BTBD7: variants seen among roughly 807,000 people sequenced by gnomAD.
BTBD7 encodes the protein BTB domain containing 7.
In BTBD7, 38 loss-of-function variants were observed where a neutral mutation model predicts 99.9. The ratio of observed to expected loss-of-function variants is 0.38; its 90% confidence interval spans 0.29 to 0.50. The LOEUF is 0.50. Ranked by LOEUF, BTBD7 falls within the 20% of genes least tolerant of loss-of-function variation. The pLI, the probability that BTBD7 is intolerant of heterozygous loss-of-function variation, is 0.93. For missense variants in BTBD7, 1,170 were observed against 1,394.6 expected, an observed-to-expected ratio of 0.84 and a Z score of 2.57; for synonymous variants, 520 against 511.4, an observed-to-expected ratio of 1.02 and a Z score of -0.23.
chr14:93,250,025 G>C (rs1348849642), intron 8 of BTBD7, among the ~76,000 whole-genome samples: 1 of 152,146 alleles, frequency 6.6e-6, no homozygotes, highest in Non-Finnish European at 1.5e-5. Flanking sequence ...AAGGAGGTAT[G>C]AGCCCCAATT....
chr14:93,264,145 A>ATT, intron 3 of BTBD7, 152 bp from the exon 4 acceptor site: 2 of 687,012 alleles, frequency 2.9e-6, no homozygotes, highest in Non-Finnish European at 4.8e-6. Context: ...ACTTGGTGGG[A>ATT]TGGGTAAACA....
intron 3 of BTBD7, among the ~76,000 whole-genome samples, chr14:93,288,925 G>A (rs1461042220): frequency 6.6e-6 from 1 of 152,170 alleles, no homozygotes; most frequent in Non-Finnish European, 1.5e-5. Flanking sequence ...CATAATTATA[G>A]ATTTCAACCC....
chr14:93,263,635 G>T, intron 4 of BTBD7, 150 bp downstream of exon 4: 1 of 683,208 alleles, frequency 1.5e-6, no homozygotes, highest in Non-Finnish European at 2.5e-6. Flanking sequence ...GGCTTTTGTT[G>T]TACAACTATG....
At chr14:93,287,418 C>T (rs920161164) in intron 3 of BTBD7, among the ~76,000 whole-genome samples, 1 of 146,878 alleles carries the variant, frequency 6.8e-6, no homozygotes, top group African/African-American at 2.5e-5. Flanking sequence ...GTATTTACCT[C>T]TCTATATTAC....
intron 1 of BTBD7, among the ~76,000 whole-genome samples, chr14:93,308,266 G>A (rs1244601664): frequency 4.2e-5 from 6 of 141,184 alleles, no homozygotes; most frequent in African/African-American, 1.4e-4. Context: ...CAGCCTAGGC[G>A]ACAGAGCCAG....
intron 7 of BTBD7, 37 bp downstream of exon 7, chr14:93,253,610 A>T: frequency 6.3e-7 from 1 of 1,581,400 alleles, no homozygotes; most frequent in Non-Finnish European, 8.6e-7. Context: ...ATGGTTTGTA[A>T]TAAAGTAGTC....
In BTBD7 at chr14:93,331,883, C is replaced by CCG. The variant is rs1041785622; in HGVS notation, c.-107+936_-107+937insCG. On this transcript the variant is annotated intron_variant, in intron 1 of 10. Coordinates refer to ENST00000334746, the MANE Select transcript of BTBD7 (RefSeq NM_001002860.4). ...GTGACAGAGCGAGACTCCGTCTCCC[C>CCG]CCCCCCAAAAAGGTTGTTAGTTGAA... Among the ~76,000 whole-genome samples, 24 of 146,562 alleles carry CCG rather than the reference C, an allele frequency of 1.6e-4. 1 individual carries two copies. Among genetic ancestry groups the CCG allele is most frequent in the African/African-American group, 5.4e-4 (20 of 36,876 alleles).
intron 1 of BTBD7, among the ~76,000 whole-genome samples, chr14:93,299,974 A>G (rs542607679): frequency 1.3e-5 from 2 of 152,340 alleles, no homozygotes; most frequent in East Asian, 3.9e-4. Flanking sequence ...TGAAGGAATG[A>G]ACTTGCATAA....
intron 1 of BTBD7, among the ~76,000 whole-genome samples, chr14:93,324,453 A>G (rs890470911): frequency 2.1e-5 from 3 of 144,518 alleles, no homozygotes; most frequent in Admixed American, 6.9e-5. Flanking sequence ...TTGATGGCAA[A>G]TAACTCCAAA....
chr14:93,303,215 AG>A (rs1335036267), intron 1 of BTBD7, among the ~76,000 whole-genome samples: 1 of 152,244 alleles, frequency 6.6e-6, no homozygotes, highest in Non-Finnish European at 1.5e-5. Context: ...CCAACAGTCC[AG>A]GAAAGTAAGT....
chr14:93,300,257 C>CTTT (rs35598735), intron 1 of BTBD7, among the ~76,000 whole-genome samples: 13 of 119,610 alleles, frequency 1.1e-4, no homozygotes, highest in African/African-American at 3.6e-4. Context: ...TTTCTTTGTT[C>CTTT]TTTTTTTTTT....
In BTBD7 at chr14:93,294,819, T is replaced by C; in HGVS notation, c.201A>G (p.Lys67=). The C allele has an allele frequency of 6.2e-7, 1 of 1,614,082 alleles. No individual in the cohort carries two copies. Among genetic ancestry groups the C allele is most frequent in the Non-Finnish European group, 8.5e-7 (1 of 1,180,020 alleles). Residue 67 remains lysine (K), a synonymous_variant, in exon 3 of 11, where the codon AAA becomes AAG. Coordinates refer to ENST00000334746, the MANE Select transcript of BTBD7 (RefSeq NM_001002860.4). ...ATTTCCGACGCTTAATAAACTTCTT[T>C]TTGAGGGTGGCAAGACCAGAGGTTC... is the stretch of plus-strand genomic sequence containing the variant. The part of the protein sequence containing the change: ...KKRTSGLATL[K]KKFIKRRKSN...
intron 6 of BTBD7, among the ~76,000 whole-genome samples, chr14:93,254,827 T>C (rs889702191): frequency 2.0e-5 from 3 of 152,234 alleles, no homozygotes; most frequent in Admixed American, 2.0e-4. Context: ...TTAAGAGTCA[T>C]TGTTAGCAAA....
chr14:93,294,493 T>G lies in BTBD7; in HGVS notation c.527A>C (p.Glu176Ala). ...GTCCATTATTATCTCTGCCCCATACTCTGGTGAGGAAGAAAGCAGTGTTTT... is the reference window on the plus strand; with the variant it reads ...GTCCATTATTATCTCTGCCCCATACGCTGGTGAGGAAGAAAGCAGTGTTTT... ...FFKTLLSSSP[E>A]YGAEIIMDIN... Residue 176 changes from glutamate (E) to alanine (A), a missense_variant, in exon 3 of 11, where the codon GAG becomes GCG. Around this residue, in one of 4 missense-constraint regions of BTBD7, gnomAD observed 359 missense variants for 497.9 expected, o/e 0.72. Coordinates refer to ENST00000334746, the MANE Select transcript of BTBD7 (RefSeq NM_001002860.4). The G allele has an allele frequency of 6.2e-7, 1 of 1,614,152 alleles. No individual in the cohort carries two copies.
intron 1 of BTBD7, among the ~76,000 whole-genome samples, chr14:93,322,978 C>G (rs1426991579): frequency 6.6e-6 from 1 of 152,006 alleles, no homozygotes; most frequent in Non-Finnish European, 1.5e-5. Flanking sequence ...TACAAATTAG[C>G]TGAGCATGAT....
At chr14:93,271,949 T>C (rs561282010) in intron 3 of BTBD7, among the ~76,000 whole-genome samples, 1 of 152,246 alleles carries the variant, frequency 6.6e-6, no homozygotes, top group Non-Finnish European at 1.5e-5. Flanking sequence ...GAGGTTGCAG[T>C]GAGCCAAGAG....
In BTBD7 at chr14:93,296,076, G is replaced by C. The variant is rs1174467060; in HGVS notation, c.-25C>G. 1 of 1,610,702 alleles carries C rather than the reference G, an allele frequency of 6.2e-7. No homozygotes were observed. Reference sequence around the variant, plus strand: ...TTTTCTTCAGTCACTCAGGCATTCCGTCTGCGGGTTCTTCAGAGTATAATC... The same window carrying C: ...TTTTCTTCAGTCACTCAGGCATTCCCTCTGCGGGTTCTTCAGAGTATAATC... On this transcript the variant is annotated 5_prime_UTR_variant, in exon 2 of 11. Transcript: ENST00000334746.
At chr14:93,290,605 G>A (rs1470374001) in intron 3 of BTBD7, among the ~76,000 whole-genome samples, 2 of 135,206 alleles carry the variant, frequency 1.5e-5, no homozygotes, top group African/African-American at 2.8e-5. Context: ...GCCACCTCCC[G>A]CTCCTGGGTT....
At chr14:93,251,681 C>A (rs759182152) in intron 7 of BTBD7, 29 bp from the exon 8 acceptor site, 1 of 1,492,610 alleles carries the variant, frequency 6.7e-7, no homozygotes, top group South Asian at 1.4e-5. Context: ...ATTAACAAAA[C>A]CAGTCAACCT....
Sources: gnomAD v4.1 joint callset for allele counts (sites outside exome capture counted in the v4.1 genomes callset) on GRCh38, gnomAD v4.1.1 for gene constraint, gnomAD v4.1.1 regional missense constraint, MANE v1.5 for transcripts, NCBI Gene and HGNC (gene_info 2026-07-23, HGNC 2026-07-21) for gene names.